RNASE4: variants seen among roughly 807,000 people sequenced by gnomAD.
RNASE4 encodes ribonuclease A family member 4, also known as ribonuclease 4.
For missense variants in RNASE4, 194 were observed against 192.8 expected (o/e 1.01, Z -0.04); for synonymous variants, 93 against 71.4 (o/e 1.30, Z -1.52).
Position 20,700,768 on chromosome 14 carries a change from T to C in RNASE4, c.*953T>C, listed in dbSNP as rs1008407062. 1.2e-5 allele frequency: 2 copies of C among 161,642 alleles called. No homozygotes were observed. Among genetic ancestry groups the C allele is most frequent in the Non-Finnish European group, 2.9e-5 (2 of 68,078 alleles). The allele number at this position is 161,642 out of a possible 1,614,324, so 10.0% of individuals were successfully genotyped here. A position where few individuals can be genotyped will look rare whatever the true frequency, so the allele number is the denominator to read the frequency against. On this transcript the variant is annotated 3_prime_UTR_variant, in exon 2 of 2. Coordinates refer to ENST00000555835, the MANE Select transcript of RNASE4 (RefSeq NM_002937.5). Reference sequence around the variant, plus strand: ...GTCTCATTTACTCCAGAGAGAATGATTCCTCTCAAAGACAATTCTCACAGC... The same window carrying C: ...GTCTCATTTACTCCAGAGAGAATGACTCCTCTCAAAGACAATTCTCACAGC...
At chr14:20,693,435 G>A in intron 1 of RNASE4, 1 of 1,401,326 alleles carries the variant, frequency 7.1e-7, no homozygotes, top group Non-Finnish European at 9.9e-7. Flanking sequence ...AAATTTGGTG[G>A]TGGAAAAGAT....
intron 1 of RNASE4, 183 bp from the exon 2 acceptor site, chr14:20,699,172 G>A (rs1301105298): frequency 1.7e-6 from 1 of 571,898 alleles, no homozygotes; most frequent in Non-Finnish European, 3.1e-6. Context: ...GATCATGTTT[G>A]CAAACTACTC....
At chr14:20,694,720 T>C (rs1415745670) in intron 1 of RNASE4, among the ~76,000 whole-genome samples, 1 of 152,218 alleles carries the variant, frequency 6.6e-6, no homozygotes, top group Non-Finnish European at 1.5e-5. Context: ...GGCTCGTAGC[T>C]ACTAAGCAGA....
At chr14:20,694,045 C>G (rs1179112495) in intron 1 of RNASE4, 2 of 1,611,936 alleles carry the variant, frequency 1.2e-6, no homozygotes, top group Non-Finnish European at 1.7e-6. Context: ...CTCTGCTGTC[C>G]TTGCCTTCCA....
At chr14:20,692,979 C>G (rs958472086) in intron 1 of RNASE4, among the ~76,000 whole-genome samples, 1 of 151,752 alleles carries the variant, frequency 6.6e-6, no homozygotes, top group East Asian at 1.9e-4. Flanking sequence ...TCCCGAGTAG[C>G]TGGGACTACA....
rs36091065 is a variant in RNASE4, at chr14:20,690,221, CAAAAAAAAAAAAAA to C, written c.-18+5477_-18+5490del. Among the ~76,000 whole-genome samples, 12 of 67,984 alleles carry C rather than the reference CAAAAAAAAAAAAAA, an allele frequency of 1.8e-4. No individual in the cohort carries two copies. The South Asian group carries it at 6.8e-3, about 38-fold the overall frequency. 44.6% of individuals were successfully genotyped at this position (67,984 alleles called of 152,430 possible). On this transcript the variant is annotated intron_variant, in intron 1 of 1. Coordinates refer to ENST00000555835, the MANE Select transcript of RNASE4 (RefSeq NM_002937.5). ...TGGGCGACAGAGCGAGACTCCGTCT[CAAAAAAAAAAAAAA>C]AAAAAAAAAAAAAGAAAAGAAAAGA... is the stretch of plus-strand genomic sequence containing the variant.
At chr14:20,693,312 A>T (rs1886898442) in intron 1 of RNASE4, among the ~76,000 whole-genome samples, 1 of 152,224 alleles carries the variant, frequency 6.6e-6, no homozygotes, top group African/African-American at 2.4e-5. Context: ...ATTCTAAGGG[A>T]TGGGGAAGAA....
intron 1 of RNASE4, among the ~76,000 whole-genome samples, chr14:20,696,551 C>T (rs8005306): frequency 6.6e-6 from 1 of 151,808 alleles, no homozygotes. Context: ...GGAGAAGAAA[C>T]ATTTTTCTAG....
At chr14:20,694,337 T>G (rs1886999850) in intron 1 of RNASE4, among the ~76,000 whole-genome samples, 1 of 146,232 alleles carries the variant, frequency 6.8e-6, no homozygotes, top group South Asian at 2.3e-4. Context: ...TCTCACTCTG[T>G]CGCCCAGGCT....
chr14:20,700,262 T>C lies in RNASE4; in HGVS notation c.*447T>C, dbSNP rs1476144964. On this transcript the variant is annotated 3_prime_UTR_variant, in exon 2 of 2. Transcript: ENST00000555835. ...AATTGAGACAAAAATCCAGTGTAGCTGGCCACTTATCCAGGGCTTTTTCTA... is the reference window on the plus strand; with the variant it reads ...AATTGAGACAAAAATCCAGTGTAGCCGGCCACTTATCCAGGGCTTTTTCTA... 1 of 168,674 alleles carries C rather than the reference T, an allele frequency of 5.9e-6. No homozygotes were observed. The highest frequency in any genetic ancestry group is 6.4e-5 in the Admixed American group (1 of 15,522). The allele number at this position is 168,674 out of a possible 1,614,324, so 10.4% of individuals were successfully genotyped here.
At chr14:20,688,213 G>A (rs561493607) in intron 1 of RNASE4, among the ~76,000 whole-genome samples, 1 of 152,186 alleles carries the variant, frequency 6.6e-6, no homozygotes, top group African/African-American at 2.4e-5. Flanking sequence ...GAGAAGTTGA[G>A]TGTAGGGGGA....
chr14:20,699,118 A>T, intron 1 of RNASE4: 1 of 473,386 alleles, frequency 2.1e-6, no homozygotes, highest in Non-Finnish European at 3.8e-6. Flanking sequence ...TACTGGCCAC[A>T]GCAACTTCTC....
At chr14:20,693,776 A>G (rs1478131226) in intron 1 of RNASE4, 3 of 1,614,198 alleles carry the variant, frequency 1.9e-6, no homozygotes, top group African/African-American at 1.3e-5. Context: ...ACATTTATTC[A>G]TGGCAACAAG....
chr14:20,693,876 T>C (rs911631267), intron 1 of RNASE4: 3 of 1,614,054 alleles, frequency 1.9e-6, no homozygotes, highest in African/African-American at 1.3e-5. Flanking sequence ...AGGTCACCAC[T>C]TGCAAGCTAC....
intron 1 of RNASE4, chr14:20,693,587 T>C (rs1886921814): frequency 6.2e-7 from 1 of 1,613,310 alleles, no homozygotes; most frequent in Admixed American, 1.7e-5. Context: ...CTGGGCGTTT[T>C]GTTGTTGGTC....
Position 20,693,763 on chromosome 14 carries a change from A to G in RNASE4, c.-17-5592A>G, listed in dbSNP as rs1886945573. The G allele has an allele frequency of 6.2e-7, 1 of 1,614,100 alleles. No individual in the cohort carries two copies. Among genetic ancestry groups the G allele is most frequent in the African/African-American group, 1.3e-5 (1 of 74,926 alleles). The stretch of plus-strand genomic sequence containing the variant: ...CCTGACCTCACCCTGCAAAGACATC[A>G]ACACATTTATTCATGGCAACAAGCG... On this transcript the variant is annotated intron_variant, in intron 1 of 1. Transcript: ENST00000555835.
At chr14:20,687,044 T>A (rs924971619) in intron 1 of RNASE4, among the ~76,000 whole-genome samples, 1 of 152,226 alleles carries the variant, frequency 6.6e-6, no homozygotes, top group Non-Finnish European at 1.5e-5. Flanking sequence ...GTTAAAGCTG[T>A]CTGAACATTT....
chr14:20,694,796 A>G (rs915095317), intron 1 of RNASE4, among the ~76,000 whole-genome samples: 13 of 152,216 alleles, frequency 8.5e-5, no homozygotes, highest in African/African-American at 3.1e-4. Flanking sequence ...TACAAATATG[A>G]GACCTTGGAG....
chr14:20,693,611 T>C (rs201878808), intron 1 of RNASE4: 1 of 1,614,072 alleles, frequency 6.2e-7, no homozygotes, highest in Non-Finnish European at 8.5e-7. Flanking sequence ...GTGCTGGGTC[T>C]GGGTCTGACC....
Sources: gnomAD v4.1 joint callset for allele counts (sites outside exome capture counted in the v4.1 genomes callset) on GRCh38, gnomAD v4.1.1 for gene constraint, MANE v1.5 for transcripts, NCBI Gene and HGNC (gene_info 2026-07-23, HGNC 2026-07-21) for gene names.